Variants in KAZN observed in about 807,000 individuals in gnomAD.
The protein encoded by KAZN is kazrin.
KAZN carries 40 observed loss-of-function variants against 87.4 expected under a neutral mutation model. The ratio of observed to expected loss-of-function variants is 0.46; its 90% CI spans 0.36 to 0.60. The LOEUF is 0.60. Ranked by LOEUF, KAZN falls within the 20% of genes least tolerant of loss-of-function variation. The probability of loss-of-function intolerance (pLI) is 0.00; values close to 1 mark genes in which losing one functional copy is unlikely to be tolerated. For synonymous variants in KAZN, 466 were observed against 458.3 expected, an observed-to-expected ratio of 1.02 and a Z score of -0.22; for missense variants, 898 against 1,073.9, an observed-to-expected ratio of 0.84 and a Z score of 2.29.
At chr1:14,197,503 C>T (rs1350981001) in intron 2 of KAZN, among the ~76,000 whole-genome samples, 2 of 150,702 alleles carry the variant, frequency 1.3e-5, no homozygotes, top group Non-Finnish European at 1.5e-5. Flanking sequence ...GCCTGGCCAA[C>T]ATGGCAAAAC....
intron 2 of KAZN, among the ~76,000 whole-genome samples, chr1:14,423,437 A>G (rs1425254470): frequency 6.6e-6 from 1 of 152,230 alleles, no homozygotes; most frequent in African/African-American, 2.4e-5. Context: ...TTGTAAAAAT[A>G]TCCCTGAAAC....
intron 1 of KAZN, among the ~76,000 whole-genome samples, chr1:14,647,800 T>G (rs540353743): frequency 1.3e-5 from 2 of 152,346 alleles, no homozygotes; most frequent in South Asian, 4.1e-4. Context: ...ATTCTGGGGT[T>G]CACCAATTTG....
At position 13,985,398 on chromosome 1, in the gene KAZN, C is replaced by T. The variant is rs1050341889; in HGVS notation, c.91+91642C>T. 4.0e-5 allele frequency among the ~76,000 whole-genome samples: 6 copies of T among 151,390 alleles called. No individual in the cohort carries two copies. The East Asian group carries it at 1.2e-3, about 29-fold the overall frequency. ...GCCATAAAAAATGATGAGTTCATGT[C>T]CTTTGTAGGGACATGGATGAAATTG... On this transcript the variant is annotated intron_variant, in intron 1 of 16. Coordinates refer to the KAZN transcript ENST00000636203.
chr1:14,572,732 C>T (rs1435142365), intron 2 of KAZN, among the ~76,000 whole-genome samples: 1 of 152,138 alleles, frequency 6.6e-6, no homozygotes, highest in Non-Finnish European at 1.5e-5. Context: ...TTCCTTGGCC[C>T]CGCGGAGCGG....
chr1:15,087,993 T>C (rs756759811), intron 8 of KAZN, among the ~76,000 whole-genome samples: 1 of 152,238 alleles, frequency 6.6e-6, no homozygotes, highest in Non-Finnish European at 1.5e-5. Context: ...TTTTGGTTGA[T>C]AAGCCACGGA....
intron 1 of KAZN, among the ~76,000 whole-genome samples, chr1:13,923,179 A>G (rs1640128248): frequency 6.6e-6 from 1 of 152,222 alleles, no homozygotes; most frequent in Non-Finnish European, 1.5e-5. Context: ...AATATACACA[A>G]TCAATTAGCA....
chr1:14,304,947 T>G (rs546411722), intron 2 of KAZN, among the ~76,000 whole-genome samples: 4 of 152,170 alleles, frequency 2.6e-5, no homozygotes, highest in African/African-American at 7.2e-5. Flanking sequence ...AGCTAGTTTT[T>G]TTTTTTTTTT....
rs533297621 is a variant in KAZN, at chr1:15,082,771, C to A, written c.1223-11409C>A. On this transcript the variant is annotated intron_variant, in intron 8 of 14. Coordinates refer to ENST00000376030, the MANE Select transcript of KAZN (RefSeq NM_201628.3). ...GCAGTGGCATGATCTCGACTCACTG[C>A]AACTTCCACCTCCCAGGTTCAAGCG... Among the ~76,000 whole-genome samples the A allele has an allele frequency of 1.4e-4, 21 of 152,332 alleles. 1 individual carries two copies. Among genetic ancestry groups the A allele is most frequent in the African/African-American group, 5.1e-4 (21 of 41,570 alleles).
intron 2 of KAZN, among the ~76,000 whole-genome samples, chr1:14,447,248 ATTATTATTG>A (rs1184105081): frequency 1.4e-4 from 20 of 144,230 alleles, no homozygotes; most frequent in Non-Finnish European, 2.6e-4. Context: ...TATTATTATT[ATTATTATTG>A]AGGCAGAATT....
At chr1:14,230,647 G>A (rs1023072946) in intron 2 of KAZN, among the ~76,000 whole-genome samples, 1 of 152,080 alleles carries the variant, frequency 6.6e-6, no homozygotes, top group African/African-American at 2.4e-5. Context: ...GTTTCTTAGT[G>A]CAAAGTTCTA....
intron 4 of KAZN, among the ~76,000 whole-genome samples, chr1:15,046,455 C>T (rs184091547): frequency 4.2e-4 from 64 of 151,908 alleles, no homozygotes; most frequent in African/African-American, 1.4e-3. Context: ...CTCGGGGTGA[C>T]GGAGGTAGAA....
At chr1:14,594,929 A>C (rs1278225289), upstream of KAZN, among the ~76,000 whole-genome samples, 1 of 151,910 alleles carries the variant, frequency 6.6e-6, no homozygotes, top group Non-Finnish European at 1.5e-5. Context: ...GGTGGATCAC[A>C]AGGTCATGAG....
chr1:14,781,853 G>A (rs1645360627), intron 1 of KAZN, among the ~76,000 whole-genome samples: 2 of 152,136 alleles, frequency 1.3e-5, no homozygotes, highest in South Asian at 4.1e-4. Flanking sequence ...AAATTAATGT[G>A]AATTCAGCCC....
rs183593331 is a variant in KAZN at position 14,807,971 on chromosome 1, A to G, written c.227-152713A>G. Among the ~76,000 whole-genome samples, 241 of 152,142 alleles carry G rather than the reference A, an allele frequency of 1.6e-3. 2 individuals are homozygous for G. The highest frequency in any genetic ancestry group is 0.013 in the Admixed American group (203 of 15,274). On this transcript the variant is annotated intron_variant, in intron 1 of 14. Transcript: ENST00000376030. ...ATCATATGCCTTCTGTAGGCAGCTC[A>G]CTCCCAAGACAAAGGAGCAAGGAAG...
chr1:14,514,409 T>A, intron 2 of KAZN, among the ~76,000 whole-genome samples: 1 of 26,254 alleles, frequency 3.8e-5, no homozygotes, highest in East Asian at 6.3e-4. Flanking sequence ...ATATATATAA[T>A]ATATAAATAT....
chr1:14,813,394 C>T (rs927358536), intron 1 of KAZN, among the ~76,000 whole-genome samples: 4 of 152,170 alleles, frequency 2.6e-5, no homozygotes, highest in Admixed American at 1.3e-4. Context: ...ACCCAAGCTG[C>T]CCATGGAGAG....
intron 2 of KAZN, among the ~76,000 whole-genome samples, chr1:14,527,758 G>A (rs1255183522): frequency 6.6e-6 from 1 of 152,038 alleles, no homozygotes; most frequent in Non-Finnish European, 1.5e-5. Context: ...CTTTTTAACA[G>A]CCAGCTCTAG....
At chr1:14,522,496 C>A (rs1274775983) in intron 2 of KAZN, among the ~76,000 whole-genome samples, 1 of 152,144 alleles carries the variant, frequency 6.6e-6, no homozygotes, top group Non-Finnish European at 1.5e-5. Context: ...AGGTTTCCTG[C>A]AAATCACGTC....
At chr1:13,911,039 C>A (rs143590094) in intron 1 of KAZN, among the ~76,000 whole-genome samples, 2 of 151,956 alleles carry the variant, frequency 1.3e-5, no homozygotes, top group Admixed American at 1.3e-4. Context: ...AAATGGCACA[C>A]ACTTTTGTTT....
Sources: allele counts gnomAD v4.1 joint callset (sites outside exome capture counted in the v4.1 genomes callset), GRCh38; gene constraint gnomAD v4.1.1; transcripts MANE v1.5; gene names NCBI Gene and HGNC (gene_info 2026-07-23, HGNC 2026-07-21).